EPG5: variants seen among roughly 807,000 people sequenced by gnomAD.
EPG5 encodes the protein ectopic P-granules 5 autophagy tethering factor.
In EPG5, 159 loss-of-function variants were observed where a neutral mutation model predicts 302.7. That is an observed-to-expected ratio of 0.53 (90% CI 0.46 to 0.60). The LOEUF (loss-of-function observed/expected upper bound fraction) is 0.60. EPG5 is among the 20% of genes least tolerant of loss of function. EPG5 has a pLI of 0.00. For synonymous variants in EPG5, 1,158 were observed against 1,136.8 expected (o/e 1.02, Z -0.37); for missense variants, 2,896 against 3,092.4 (o/e 0.94, Z 1.51).
At chr18:45,898,817 T>C (rs1165019033) in intron 27 of EPG5, among the ~76,000 whole-genome samples, 2 of 152,124 alleles carry the variant, frequency 1.3e-5, no homozygotes, top group African/African-American at 2.4e-5. Context: ...TCTAACTGTA[T>C]CATCACCAAA....
intron 11 of EPG5, among the ~76,000 whole-genome samples, chr18:45,932,442 T>C (rs2050414285): frequency 6.6e-6 from 1 of 152,150 alleles, no homozygotes; most frequent in African/African-American, 2.4e-5. Context: ...AGTTAGAAAA[T>C]GTTAAAACTA....
intron 1 of EPG5, among the ~76,000 whole-genome samples, chr18:45,962,249 A>T (rs992313589): frequency 6.6e-6 from 1 of 152,212 alleles, no homozygotes; most frequent in Non-Finnish European, 1.5e-5. Context: ...TAGAGGTGGA[A>T]ATCAATCATT....
At chr18:45,875,151 T>G (rs1008313375) in intron 35 of EPG5, among the ~76,000 whole-genome samples, 12 of 152,180 alleles carry the variant, frequency 7.9e-5, no homozygotes, top group Non-Finnish European at 1.6e-4. Context: ...TAGTTCCAAT[T>G]GACAACAAAT....
At chr18:45,946,562 G>T (rs1451520966) in intron 7 of EPG5, 101 bp downstream of exon 7, 4 of 849,122 alleles carry the variant, frequency 4.7e-6, no homozygotes, top group Non-Finnish European at 7.7e-6. Context: ...GTTGCTGAGA[G>T]AATTAAATGA....
At chr18:45,900,316 G>A (rs1797400127) in intron 26 of EPG5, among the ~76,000 whole-genome samples, 1 of 151,620 alleles carries the variant, frequency 6.6e-6, no homozygotes, top group Non-Finnish European at 1.5e-5. Flanking sequence ...GCAGGAGAAT[G>A]GCGTGAACTC....
chr18:45,857,492 C>T (rs188532634), intron 42 of EPG5, among the ~76,000 whole-genome samples: 2 of 152,270 alleles, frequency 1.3e-5, no homozygotes, highest in East Asian at 3.9e-4. Flanking sequence ...CCCTGAACGC[C>T]TCAAGTGCCC....
Position 45,908,087 on chromosome 18 carries a change from A to G in EPG5, c.4206-6T>C. On this transcript the variant is annotated splice_region_variant and splice_polypyrimidine_tract_variant and intron_variant, in intron 23 of 43. Transcript: ENST00000282041. ...ATATATATACATTGAAGAGCCTAAA[A>G]GATAAAAACATAATTATACGAAACA... 1 of 1,502,146 alleles carries G rather than the reference A, an allele frequency of 6.7e-7. No homozygotes were observed. Among genetic ancestry groups the G allele is most frequent in the South Asian group, 1.2e-5 (1 of 81,030 alleles). 93.1% of individuals were successfully genotyped at this position (1,502,146 alleles called of 1,614,324 possible). A position where few individuals can be genotyped will look rare whatever the true frequency, so the allele number is the denominator to read the frequency against.
In EPG5 at chr18:45,878,593, T is replaced by C. The variant is rs188221058; in HGVS notation, c.5870-145A>G. ...ATAAACAACATGCTTAGTGTAACTA[T>C]GTATGTTTACGTTTTCATTGGCTAC... On this transcript the variant is annotated intron_variant, in intron 33 of 43. Coordinates refer to ENST00000282041, the MANE Select transcript of EPG5 (RefSeq NM_020964.3). The C allele has an allele frequency of 2.6e-3, 1,536 of 599,760 alleles. 3 individuals are homozygous for C. The highest frequency in any genetic ancestry group is 4.7e-3 in the Admixed American group (148 of 31,192). 37.2% of individuals were successfully genotyped at this position (599,760 alleles called of 1,614,324 possible). A position where few individuals can be genotyped will look rare whatever the true frequency, so the allele number is the denominator to read the frequency against.
the EPG5 span, among the ~76,000 whole-genome samples, chr18:45,839,991 A>G: frequency 6.6e-6 from 1 of 152,172 alleles, no homozygotes; most frequent in African/African-American, 2.4e-5. Flanking sequence ...GGTGCTCAGA[A>G]GAACGGACTT....
At chr18:45,824,493 T>C in the EPG5 span, among the ~76,000 whole-genome samples, 1 of 152,212 alleles carries the variant, frequency 6.6e-6, no homozygotes, top group Admixed American at 6.5e-5. Context: ...GGCGTGACAG[T>C]TGGAACTTTA....
chr18:45,836,392 T>A, the EPG5 span, among the ~76,000 whole-genome samples: 1 of 151,552 alleles, frequency 6.6e-6, no homozygotes, highest in Non-Finnish European at 1.5e-5. Flanking sequence ...GATCCTTTTG[T>A]GAACTGCACC....
At chr18:45,960,535 AT>A (rs1476667637) in intron 1 of EPG5, among the ~76,000 whole-genome samples, 1 of 152,088 alleles carries the variant, frequency 6.6e-6, no homozygotes, top group Admixed American at 6.5e-5. Context: ...TTAAAAAACG[AT>A]TTTAAAGTCA....
At chr18:45,910,128 G>C (rs935341365) in intron 23 of EPG5, among the ~76,000 whole-genome samples, 1 of 152,022 alleles carries the variant, frequency 6.6e-6, no homozygotes, top group African/African-American at 2.4e-5. Context: ...TGGGACCACA[G>C]GTGCACGCCA....
chr18:45,955,387 C>T lies in EPG5; in HGVS notation c.64-49G>A, dbSNP rs1302214601. The T allele has an allele frequency of 3.1e-6, 4 of 1,295,746 alleles. No individual in the cohort carries two copies. The East Asian group carries it at 9.9e-5, about 32-fold the overall frequency. The allele number at this position is 1,295,746 out of a possible 1,614,324, so 80.3% of individuals were successfully genotyped here. On this transcript the variant is annotated intron_variant, in intron 1 of 43. Transcript: ENST00000282041. The stretch of plus-strand genomic sequence containing the variant: ...AAATAATTTATCACAATAATTAATG[C>T]TTTCAGCAGGAGGAATTTTAAAGTT...
chr18:45,862,001 CCT>C (rs756299990), intron 39 of EPG5, among the ~76,000 whole-genome samples: 2 of 151,788 alleles, frequency 1.3e-5, no homozygotes, highest in Non-Finnish European at 2.9e-5. Context: ...CTACTTTTTC[CCT>C]GTTTTAGCTT....
the EPG5 span, among the ~76,000 whole-genome samples, chr18:45,809,096 A>C: frequency 1.3e-5 from 2 of 152,346 alleles, no homozygotes; most frequent in East Asian, 3.9e-4. Flanking sequence ...CTATTCAAAC[A>C]AACTTTAAAG....
chr18:45,828,640 C>A, the EPG5 span, among the ~76,000 whole-genome samples: 1 of 152,208 alleles, frequency 6.6e-6, no homozygotes, highest in Non-Finnish European at 1.5e-5. Flanking sequence ...AGTGAGGCTC[C>A]TGGCCTCTGC....
rs1240072703 is a variant in EPG5 at position 45,951,161 on chromosome 18, T to C, written c.1330A>G (p.Arg444Gly). ...ECISVLFMFT[R>G]RVNEDTQFHD... ...AACTGAGTATCTTCATTAACTCTCCTGGTGAACATGAATAAGACACTAATG... is the reference window on the plus strand; with the variant it reads ...AACTGAGTATCTTCATTAACTCTCCCGGTGAACATGAATAAGACACTAATG... The change falls in exon 4 of 44, where the codon AGG becomes GGG. Residue 444 changes from arginine (R) to glycine (G), a missense_variant. Around this residue, in one of 5 missense-constraint regions of EPG5, gnomAD observed 1,390 missense variants for 1,430.0 expected, o/e 0.97. Transcript: ENST00000282041. The C allele has an allele frequency of 4.4e-6, 7 of 1,598,504 alleles. No homozygotes were observed. The highest frequency in any genetic ancestry group is 1.2e-5 in the South Asian group (1 of 86,734).
intron 2 of EPG5, 143 bp downstream of exon 2, chr18:45,954,251 G>A (rs2050974035): frequency 1.3e-6 from 1 of 752,174 alleles, no homozygotes; most frequent in African/African-American, 1.8e-5. Context: ...GCTCCTGCAG[G>A]CATTTGACTT....
Sources: gnomAD v4.1 joint callset for allele counts (sites outside exome capture counted in the v4.1 genomes callset) on GRCh38, gnomAD v4.1.1 for gene constraint, gnomAD v4.1.1 regional missense constraint, MANE v1.5 for transcripts, NCBI Gene and HGNC (gene_info 2026-07-23, HGNC 2026-07-21) for gene names.